The following UNC13A variants were observed in gnomAD, a reference collection of about 807,000 sequenced individuals.
UNC13A encodes the protein unc-13 homolog A.
Under a neutral mutation model 219.7 loss-of-function variants are expected in UNC13A, and 61 were observed. That is an observed-to-expected ratio of 0.28 (90% CI 0.23 to 0.34). The LOEUF (loss-of-function observed/expected upper bound fraction) is 0.34, where lower values mean the gene tolerates loss of function less well. Ranked by LOEUF, UNC13A falls within the 10% of genes least tolerant of loss-of-function variation. The pLI, the probability that UNC13A is intolerant of heterozygous loss-of-function variation, is 1.00. For missense variants in UNC13A, 1,476 were observed against 2,270.3 expected (o/e 0.65, Z 7.11); for synonymous variants, 920 against 884.6 (o/e 1.04, Z -0.71).
chr19:17,664,376 G>A (rs16981906), intron 7 of UNC13A, among the ~76,000 whole-genome samples: 37,710 of 152,140 alleles, frequency 0.25, 5,477 homozygotes, highest in African/African-American at 0.4. Flanking sequence ...GAGCCTCTGC[G>A]CATCAGGGCC....
In UNC13A at chr19:17,669,126, G is replaced by A. The variant is rs148440624; in HGVS notation, c.394+427C>T. Among the ~76,000 whole-genome samples the A allele has an allele frequency of 1.4e-3, 213 of 152,280 alleles. 1 individual carries two copies. Among genetic ancestry groups the A allele is most frequent in the African/African-American group, 4.9e-3 (204 of 41,564 alleles). ...TGGGTTCTTAGAAGAATGAGGTGGAGAGACTCAAGGTGCTTCCAGGAAAGG... is the reference window on the plus strand; with the variant it reads ...TGGGTTCTTAGAAGAATGAGGTGGAAAGACTCAAGGTGCTTCCAGGAAAGG... On this transcript the variant is annotated intron_variant, in intron 5 of 43. Coordinates refer to ENST00000519716, the MANE Select transcript of UNC13A (RefSeq NM_001080421.3).
chr19:17,629,199 G>A, intron 31 of UNC13A, 41 bp downstream of exon 31: 3 of 1,537,786 alleles, frequency 2.0e-6, no homozygotes, highest in Non-Finnish European at 2.7e-6. Context: ...ATGCTGAATG[G>A]GGCTGAGGAG....
chr19:17,621,775 C>T, intron 37 of UNC13A, 57 bp downstream of exon 37: 2 of 1,593,110 alleles, frequency 1.3e-6, no homozygotes, highest in African/African-American at 1.3e-5. Context: ...CACACACATG[C>T]ACACACATGC....
At chr19:17,667,079 C>T (rs536154353) in intron 6 of UNC13A, among the ~76,000 whole-genome samples, 23 of 152,036 alleles carry the variant, frequency 1.5e-4, no homozygotes, top group Admixed American at 1.2e-3. Context: ...GGTGAAACCC[C>T]GTCTCTACTA....
intron 3 of UNC13A, among the ~76,000 whole-genome samples, chr19:17,673,357 CAA>C (rs369463898): frequency 8.8e-5 from 9 of 102,728 alleles, no homozygotes; most frequent in East Asian, 2.7e-4. Context: ...AACTCAGTCT[CAA>C]AAAAAAAAAA....
intron 35 of UNC13A, among the ~76,000 whole-genome samples, chr19:17,624,156 G>A (rs891550217): frequency 5.0e-5 from 7 of 141,342 alleles, no homozygotes; most frequent in South Asian, 2.1e-4. Flanking sequence ...AAAGGGTCTC[G>A]TTCTGTTGCC....
intron 11 of UNC13A, among the ~76,000 whole-genome samples, chr19:17,653,507 C>T (rs913937978): frequency 6.6e-6 from 1 of 151,814 alleles, no homozygotes; most frequent in Non-Finnish European, 1.5e-5. Flanking sequence ...ACCACCACAC[C>T]CAATTAATTT....
chr19:17,672,270 G>C (rs111595729), intron 4 of UNC13A, 108 bp downstream of exon 4: 1 of 861,712 alleles, frequency 1.2e-6, no homozygotes, highest in Non-Finnish European at 1.9e-6. Flanking sequence ...TGTCTACATT[G>C]ATGTTGTCAG....
At chr19:17,609,701 A>C in intron 43 of UNC13A, among the ~76,000 whole-genome samples, 1 of 151,040 alleles carries the variant, frequency 6.6e-6, no homozygotes, top group African/African-American at 2.4e-5. Context: ...ACCCCACTCT[A>C]CTCATTGCCT....
intron 3 of UNC13A, among the ~76,000 whole-genome samples, chr19:17,673,051 C>A (rs1232994593): frequency 6.6e-6 from 1 of 152,144 alleles, no homozygotes; most frequent in Admixed American, 6.6e-5. Context: ...AAAGATTTAT[C>A]TTAAGAAATA....
chr19:17,617,878 G>A (rs747691514), intron 40 of UNC13A, 29 bp from the exon 41 acceptor site: 4 of 1,612,608 alleles, frequency 2.5e-6, no homozygotes, highest in Non-Finnish European at 2.5e-6. Context: ...GGAGAGGTGA[G>A]GATGGTGGGA....
intron 23 of UNC13A, 64 bp from the exon 24 acceptor site, chr19:17,639,589 T>C: frequency 6.5e-7 from 1 of 1,535,962 alleles, no homozygotes; most frequent in Non-Finnish European, 8.9e-7. Context: ...GGAGACTGCT[T>C]TTCAGGGGGA....
At position 17,612,238 on chromosome 19, in the gene UNC13A, G is replaced by A. The variant is rs572239801; in HGVS notation, c.4559-383C>T. 4.7e-5 allele frequency: 8 copies of A among 169,920 alleles called. No homozygotes were observed. In the East Asian group the frequency reaches 9.5e-4, roughly 20 times the overall value. The allele number at this position is 169,920 out of a possible 1,614,324, so 10.5% of individuals were successfully genotyped here. On this transcript the variant is annotated intron_variant, in intron 41 of 43. Coordinates refer to ENST00000519716, the MANE Select transcript of UNC13A (RefSeq NM_001080421.3). ...TTGGCTGCAACAATGTCACCAACTC[G>A]ATTCTCATCCTACATAGTTGTCACT...
intron 38 of UNC13A, 50 bp downstream of exon 38, chr19:17,620,643 T>A: frequency 8.9e-7 from 1 of 1,121,984 alleles, no homozygotes; most frequent in Non-Finnish European, 1.2e-6. Context: ...AGGGGTGGGG[T>A]GGGGGGGAGT....
Position 17,665,190 on chromosome 19 carries a change from ACT to A in UNC13A, c.523+1458_523+1459del, listed in dbSNP as rs1341172971. On this transcript the variant is annotated intron_variant, in intron 7 of 43. Coordinates refer to ENST00000519716, the MANE Select transcript of UNC13A (RefSeq NM_001080421.3). ...AGTCCAGTCTGGGTGACAGAGGGAGACTCTATCTCCAAGAAAAAAAAAAAGAG... is the reference window on the plus strand; with the variant it reads ...AGTCCAGTCTGGGTGACAGAGGGAGACTATCTCCAAGAAAAAAAAAAAGAG... Among the ~76,000 whole-genome samples, 18 of 130,080 alleles carry A rather than the reference ACT, an allele frequency of 1.4e-4. No homozygotes were observed. The East Asian group carries it at 3.7e-3, about 27-fold the overall frequency. 85.3% of individuals were successfully genotyped at this position (130,080 alleles called of 152,430 possible).
At chr19:17,653,585 G>A (rs887717846) in intron 11 of UNC13A, among the ~76,000 whole-genome samples, 1 of 151,918 alleles carries the variant, frequency 6.6e-6, no homozygotes, top group African/African-American at 2.4e-5. Flanking sequence ...CTGACCTCAG[G>A]TGATCCACCC....
intron 23 of UNC13A, 142 bp downstream of exon 23, chr19:17,639,698 C>T: frequency 1.7e-6 from 2 of 1,146,284 alleles, no homozygotes; most frequent in Non-Finnish European, 2.5e-6. Context: ...GCAGGTAGTG[C>T]CCATGCAGGT....
chr19:17,629,634 A>G (rs1207065602), intron 30 of UNC13A, among the ~76,000 whole-genome samples: 2 of 152,090 alleles, frequency 1.3e-5, no homozygotes, highest in African/African-American at 4.8e-5. Flanking sequence ...GTAATTCCCA[A>G]GGTCAACACA....
intron 12 of UNC13A, among the ~76,000 whole-genome samples, chr19:17,650,279 C>T (rs372376278): frequency 6.6e-6 from 1 of 152,032 alleles, no homozygotes; most frequent in Non-Finnish European, 1.5e-5. Flanking sequence ...TTTGGGAGGC[C>T]GAGGCGGGCG....
Sources: allele counts gnomAD v4.1 joint callset (sites outside exome capture counted in the v4.1 genomes callset), GRCh38; gene constraint gnomAD v4.1.1; transcripts MANE v1.5; gene names NCBI Gene and HGNC (gene_info 2026-07-23, HGNC 2026-07-21).